ZC4H2: variants seen among roughly 807,000 people sequenced by gnomAD.
ZC4H2 encodes zinc finger C4H2-type containing.
For synonymous variants in ZC4H2, 84 were observed against 66.3 expected, an observed-to-expected ratio of 1.27 and a Z score of -1.30; for missense variants, 137 against 173.9, an observed-to-expected ratio of 0.79 and a Z score of 1.19.
intron 1 of ZC4H2, among the ~76,000 whole-genome samples, chrX:64,982,862 G>A (rs1368481792): frequency 8.9e-6 from 1 of 112,280 alleles, no homozygotes; most frequent in African/African-American, 3.2e-5. Flanking sequence ...GACTGGGAAA[G>A]TAAAAATAAC....
In ZC4H2 at chrX:64,976,416, A is replaced by G; in HGVS notation, c.-39T>C. ...AATTTCACGTCCCGAGAGATGTACA[A>G]ATACACCAGCCAAGGGATACAATAG... On this transcript the variant is annotated 5_prime_UTR_variant, in exon 1 of 5. Coordinates refer to ENST00000374839, the MANE Select transcript of ZC4H2 (RefSeq NM_018684.4). The G allele has an allele frequency of 8.5e-7, 1 of 1,180,932 alleles. No individual in the cohort carries two copies. The highest frequency in any genetic ancestry group is 1.2e-6 in the Non-Finnish European group (1 of 867,449).
At chrX:65,014,989 C>A (rs999917194) in intron 1 of ZC4H2, among the ~76,000 whole-genome samples, 1 of 111,771 alleles carries the variant, frequency 8.9e-6, no homozygotes, top group Non-Finnish European at 1.9e-5. Context: ...CTGTACACTG[C>A]CAATTCTTGA....
At chrX:64,959,465 A>G (rs1484749350) in intron 1 of ZC4H2, among the ~76,000 whole-genome samples, 1 of 104,014 alleles carries the variant, frequency 9.6e-6, no homozygotes, top group Admixed American at 1.1e-4. Context: ...GCTACCAATT[A>G]CAGTATAACA....
At chrX:65,012,120 T>C (rs1932759656) in intron 1 of ZC4H2, among the ~76,000 whole-genome samples, 1 of 101,836 alleles carries the variant, frequency 9.8e-6, no homozygotes, top group Non-Finnish European at 2.0e-5. Context: ...CCTAGCGACT[T>C]GGGAGGCTGA....
At chrX:64,957,876 A>C (rs755564754) in intron 1 of ZC4H2, among the ~76,000 whole-genome samples, 1 of 110,490 alleles carries the variant, frequency 9.1e-6, no homozygotes, top group African/African-American at 3.3e-5. Context: ...ATAAAAAAAA[A>C]TAAAAATAAA....
At chrX:64,957,397 C>T (rs999984499) in intron 1 of ZC4H2, among the ~76,000 whole-genome samples, 5 of 112,226 alleles carry the variant, frequency 4.5e-5, no homozygotes, top group Non-Finnish European at 9.4e-5. Context: ...TTTAATTTGG[C>T]TGAAGCTTTT....
chrX:65,015,080 C>A (rs992931005), intron 1 of ZC4H2, among the ~76,000 whole-genome samples: 2 of 110,957 alleles, frequency 1.8e-5, no homozygotes, highest in African/African-American at 6.5e-5. Context: ...ATCTGTGTGG[C>A]CTTCCCCTGC....
At position 64,917,721 on chromosome X, in the gene ZC4H2, T is replaced by C. The variant is rs768328874; in HGVS notation, c.*62A>G. On this transcript the variant is annotated 3_prime_UTR_variant, in exon 5 of 5. Transcript: ENST00000374839. ...GCAAGGGTTGTTTCACATCAGGACATCAATGACTCTGGTCAAGGTGAGGGG... is the reference window on the plus strand; with the variant it reads ...GCAAGGGTTGTTTCACATCAGGACACCAATGACTCTGGTCAAGGTGAGGGG... 2 of 1,176,216 alleles carry C rather than the reference T, an allele frequency of 1.7e-6. No individual in the cohort carries two copies. Among genetic ancestry groups the C allele is most frequent in the Admixed American group, 2.5e-5 (1 of 40,709 alleles).
At chrX:65,021,559 C>T (rs1932836681) in intron 1 of ZC4H2, among the ~76,000 whole-genome samples, 1 of 110,987 alleles carries the variant, frequency 9.0e-6, no homozygotes, top group South Asian at 3.7e-4. Flanking sequence ...ATTAAATGCC[C>T]ACAAGGGAAA....
intron 1 of ZC4H2, among the ~76,000 whole-genome samples, chrX:65,022,080 C>T (rs1312966465): frequency 3.6e-5 from 4 of 111,578 alleles, no homozygotes; most frequent in African/African-American, 6.5e-5. Flanking sequence ...GATTCACAGC[C>T]GAATTCTACC....
chrX:64,951,171 A>G (rs1036395226), intron 1 of ZC4H2, among the ~76,000 whole-genome samples: 1 of 112,255 alleles, frequency 8.9e-6, no homozygotes, highest in Admixed American at 9.4e-5. Context: ...ATTCCACGGT[A>G]TATATGTGCC....
At chrX:64,947,984 A>AT (rs1930619267) in intron 1 of ZC4H2, among the ~76,000 whole-genome samples, 1 of 110,435 alleles carries the variant, frequency 9.1e-6, no homozygotes, top group Non-Finnish European at 1.9e-5. Context: ...AATTTGGCTG[A>AT]TTTTTTTCTT....
intron 1 of ZC4H2, among the ~76,000 whole-genome samples, chrX:64,965,949 C>CAAAAAAAAA (rs148777993): frequency 0.013 from 475 of 37,242 alleles, no homozygotes; most frequent in Middle Eastern, 0.022. Flanking sequence ...AACAAAGAAG[C>CAAAAAAAAA]AAAAAAAAAA....
chrX:65,031,016 C>T (rs1932928698), intron 1 of ZC4H2, among the ~76,000 whole-genome samples: 1 of 111,238 alleles, frequency 9.0e-6, no homozygotes, highest in Non-Finnish European at 1.9e-5. Context: ...CAGAGTTGAG[C>T]CTCATCTCTC....
chrX:64,991,410 C>G (rs1165181840), intron 1 of ZC4H2, among the ~76,000 whole-genome samples: 1 of 111,434 alleles, frequency 9.0e-6, no homozygotes, highest in Non-Finnish European at 1.9e-5. Flanking sequence ...TTTTTAAGAA[C>G]CCTGACATAT....
At chrX:65,013,779 TC>T (rs1234864102) in intron 1 of ZC4H2, among the ~76,000 whole-genome samples, 2 of 111,613 alleles carry the variant, frequency 1.8e-5, no homozygotes, top group Non-Finnish European at 3.8e-5. Context: ...ATGCTTGGAT[TC>T]TTGACCCACA....
chrX:65,018,319 A>G (rs1356759624), intron 1 of ZC4H2, among the ~76,000 whole-genome samples: 2 of 112,453 alleles, frequency 1.8e-5, no homozygotes, highest in Non-Finnish European at 3.8e-5. Context: ...TGCATTTCCA[A>G]CTGAGGCACC....
intron 1 of ZC4H2, among the ~76,000 whole-genome samples, chrX:64,931,284 T>C (rs1039743617): frequency 8.9e-6 from 1 of 112,359 alleles, no homozygotes; most frequent in Non-Finnish European, 1.9e-5. Context: ...ATTTTGCTTA[T>C]CTTTTCAGAG....
chrX:64,921,496 C>T (rs1303297548), intron 2 of ZC4H2, among the ~76,000 whole-genome samples: 1 of 111,988 alleles, frequency 8.9e-6, no homozygotes, highest in Non-Finnish European at 1.9e-5. Flanking sequence ...CTCTGCTTTT[C>T]CCCAAGGCTA....
Sources: gnomAD v4.1 joint callset for allele counts (sites outside exome capture counted in the v4.1 genomes callset) on GRCh38, gnomAD v4.1.1 for gene constraint, MANE v1.5 for transcripts, NCBI Gene and HGNC (gene_info 2026-07-23, HGNC 2026-07-21) for gene names.